Variants in CLCN1 observed in about 807,000 individuals in gnomAD.
CLCN1 encodes the protein chloride voltage-gated channel 1, also known as chloride channel protein 1.
Under a neutral mutation model 114.5 loss-of-function variants are expected in CLCN1, and 100 were observed. The ratio of observed to expected loss-of-function variants is 0.87; its 90% CI spans 0.74 to 1.03. CLCN1 has a LOEUF of 1.03. Ranked by LOEUF, CLCN1 falls within the 50% of genes least tolerant of loss-of-function variation. The probability of loss-of-function intolerance (pLI) is 0.00; values close to 1 mark genes in which losing one functional copy is unlikely to be tolerated. For synonymous variants in CLCN1, 485 were observed against 487.1 expected (o/e 1.00, Z 0.06); for missense variants, 1,188 against 1,250.0 (o/e 0.95, Z 0.75).
chr7:143,323,216 A>G (rs182985740), intron 5 of CLCN1, 93 bp from the exon 6 acceptor site: 9 of 785,938 alleles, frequency 1.1e-5, no homozygotes, highest in East Asian at 9.7e-5. Flanking sequence ...CCCCTGGCAC[A>G]GTGCCTGGAG....
Position 143,339,212 on chromosome 7 carries a change from G to T in CLCN1, c.1402-41G>T, listed in dbSNP as rs746061954. ...GGAATTGTGTGTGCATGTCTATTGG[G>T]CAGAGTTGAAAGGGTATTCCAACGC... On this transcript the variant is annotated intron_variant, in intron 12 of 22. Coordinates refer to ENST00000343257, the MANE Select transcript of CLCN1 (RefSeq NM_000083.3). The surrounding 1 kb of genome is among the most constrained non-coding windows in gnomAD (Gnocchi z 4.1). The T allele has an allele frequency of 7.7e-7, 1 of 1,290,886 alleles. No homozygotes were observed. The highest frequency in any genetic ancestry group is 1.2e-5 in the South Asian group (1 of 84,544). The allele number at this position is 1,290,886 out of a possible 1,614,324, so 80.0% of individuals were successfully genotyped here.
chr7:143,333,675 G>A (rs1802793194), intron 12 of CLCN1, among the ~76,000 whole-genome samples: 1 of 151,966 alleles, frequency 6.6e-6, no homozygotes, highest in African/African-American at 2.4e-5. Context: ...TAAATTAATT[G>A]TATTAGTGAC....
At chr7:143,348,320 C>T (rs1803310438) in intron 20 of CLCN1, among the ~76,000 whole-genome samples, 1 of 152,058 alleles carries the variant, frequency 6.6e-6, no homozygotes, top group Admixed American at 6.6e-5. Context: ...TTAAGGAGTA[C>T]TTTGTTAGGT....
chr7:143,348,226 AAAAGTC>A (rs1348385669), intron 20 of CLCN1, among the ~76,000 whole-genome samples: 1 of 152,208 alleles, frequency 6.6e-6, no homozygotes, highest in Non-Finnish European at 1.5e-5. Flanking sequence ...TGACTTGTGA[AAAAGTC>A]AAATCGATGA....
intron 18 of CLCN1, 50 bp from the exon 19 acceptor site, chr7:143,346,529 C>T (rs773649137): frequency 2.1e-6 from 3 of 1,442,272 alleles, no homozygotes; most frequent in Non-Finnish European, 2.9e-6. Context: ...GGCCCCTGGC[C>T]GTTTCCTGTT....
chr7:143,336,193 C>T (rs1224710218), intron 12 of CLCN1, among the ~76,000 whole-genome samples: 1 of 152,000 alleles, frequency 6.6e-6, no homozygotes, highest in Non-Finnish European at 1.5e-5. Context: ...ACTTCATTCT[C>T]CCGAAGTGAA....
Position 143,321,679 on chromosome 7 carries a change from A to G in CLCN1, c.563-36A>G, listed in dbSNP as rs1802438959. ...GACATTCATCTCCCTTTTCACCTTCACCTTGACCCTGCACATAATCTTTCA... is the reference window on the plus strand; with the variant it reads ...GACATTCATCTCCCTTTTCACCTTCGCCTTGACCCTGCACATAATCTTTCA... On this transcript the variant is annotated intron_variant, in intron 4 of 22. Transcript: ENST00000343257. The surrounding 1 kb of genome is among the most constrained non-coding windows in gnomAD (Gnocchi z 4.2). 1.2e-6 allele frequency: 2 copies of G among 1,613,572 alleles called. No homozygotes were observed. The highest frequency in any genetic ancestry group is 2.2e-5 in the South Asian group (2 of 91,058).
At chr7:143,336,636 A>AAG (rs1491138539) in intron 12 of CLCN1, among the ~76,000 whole-genome samples, 33 of 112,566 alleles carry the variant, frequency 2.9e-4, no homozygotes, top group Admixed American at 8.3e-4. Context: ...GAAGAAGAAG[A>AAG]AAAAAAAAGG....
intron 16 of CLCN1, 111 bp from the exon 17 acceptor site, chr7:143,345,410 T>TG: frequency 7.5e-7 from 1 of 1,329,920 alleles, no homozygotes; most frequent in Non-Finnish European, 1.0e-6. Context: ...GAGAAAGATG[T>TG]GGGGACGCCG....
intron 18 of CLCN1, 151 bp downstream of exon 18, chr7:143,346,402 A>AT: frequency 1.3e-6 from 1 of 751,794 alleles, no homozygotes; most frequent in South Asian, 1.5e-5. Context: ...TTATTCATCA[A>AT]TTCTCCTTGT....
intron 2 of CLCN1, 89 bp from the exon 3 acceptor site, chr7:143,320,575 C>G: frequency 1.5e-5 from 16 of 1,047,164 alleles, no homozygotes; most frequent in African/African-American, 1.7e-5. Context: ...CTCTCTCTCT[C>G]TCTCTCTCTC....
intron 12 of CLCN1, among the ~76,000 whole-genome samples, chr7:143,336,528 T>G (rs890780659): frequency 1.4e-5 from 2 of 146,828 alleles, no homozygotes; most frequent in African/African-American, 5.0e-5. Context: ...GAGAATTGCT[T>G]GAACGCGGGA....
intron 6 of CLCN1, chr7:143,323,779 A>AC (rs1410560045): frequency 2.1e-6 from 1 of 472,878 alleles, no homozygotes; most frequent in Non-Finnish European, 4.3e-6. Context: ...CGCCTGCCCC[A>AC]CCCCTCCACC....
chr7:143,342,095 G>A lies in CLCN1; in HGVS notation c.1749G>A (p.Gln583=). The A allele has an allele frequency of 6.2e-7, 1 of 1,614,194 alleles. No individual in the cohort carries two copies. The highest frequency in any genetic ancestry group is 8.5e-7 in the Non-Finnish European group (1 of 1,180,034). Residue 583 remains glutamine, a synonymous_variant, in exon 15 of 23, where the codon CAG becomes CAA. Coordinates refer to ENST00000343257, the MANE Select transcript of CLCN1 (RefSeq NM_000083.3). ...CCTCTCTCTATGACAGCATCATCCAGGTCAAGAAGCTACCCTACTTGCCTG... is the reference window on the plus strand; with the variant it reads ...CCTCTCTCTATGACAGCATCATCCAAGTCAAGAAGCTACCCTACTTGCCTG... The part of the protein sequence containing the change: ...LQPSLYDSII[Q]VKKLPYLPDL...
In CLCN1 at chr7:143,339,653, A is replaced by T; in HGVS notation, c.1582+32A>T. ...AACATTCCCACTTCCCTGTAATCAA[A>T]CATTGAGTACTTCAGATCCCCACAC... On this transcript the variant is annotated intron_variant, in intron 14 of 22. Transcript: ENST00000343257. The surrounding 1 kb of genome is among the most constrained non-coding windows in gnomAD (Gnocchi z 4.1). 6 of 1,260,436 alleles carry T rather than the reference A, an allele frequency of 4.8e-6. No individual in the cohort carries two copies. Among genetic ancestry groups the T allele is most frequent in the Non-Finnish European group, 5.8e-6 (5 of 857,206 alleles). 78.1% of individuals were successfully genotyped at this position (1,260,436 alleles called of 1,614,324 possible).
chr7:143,332,845 TC>T lies in CLCN1; in HGVS notation c.1374del (p.Ile459SerfsTer8). 6.2e-7 allele frequency: 1 copy of T among 1,614,138 alleles called. No individual in the cohort carries two copies. Among genetic ancestry groups the T allele is most frequent in the Non-Finnish European group, 8.5e-7 (1 of 1,180,022 alleles). ...VWIHPRVNVV[I>X]IIFLFFVMKF... ...ATTCACCCCCGGGTCAACGTTGTCA[TC>T]ATCATCTTTCTCTTCTTCGTCATGA... On this transcript the variant is annotated frameshift_variant, in exon 12 of 23. Coordinates refer to ENST00000343257, the MANE Select transcript of CLCN1 (RefSeq NM_000083.3). LOFTEE classifies it high-confidence loss of function.
chr7:143,321,845 A>G lies in CLCN1; in HGVS notation c.693A>G (p.Lys231=). The part of the protein sequence containing the change: ...AGLGSGIPVG[K]EGPFVHIASI... ...TGGGCAGTGGCATCCCCGTGGGGAA[A>G]GAGGTAGGCCTGGCATGACTGAAGC... The change falls in exon 5 of 23, where the codon AAA becomes AAG. Residue 231 remains lysine (K), a synonymous_variant. Transcript: ENST00000343257. This position sits in a 1 kb window ranked among gnomAD's most constrained non-coding sequence, Gnocchi z 4.2. 6.2e-7 allele frequency: 1 copy of G among 1,614,128 alleles called. No individual in the cohort carries two copies. The highest frequency in any genetic ancestry group is 8.5e-7 in the Non-Finnish European group (1 of 1,179,994).
At chr7:143,334,597 C>T (rs907097953) in intron 12 of CLCN1, among the ~76,000 whole-genome samples, 1 of 151,976 alleles carries the variant, frequency 6.6e-6, no homozygotes, top group Non-Finnish European at 1.5e-5. Flanking sequence ...TATTTTAAAA[C>T]GTTCTATTTT....
intron 5 of CLCN1, among the ~76,000 whole-genome samples, chr7:143,322,648 G>A (rs1489084801): frequency 1.3e-5 from 2 of 152,148 alleles, no homozygotes; most frequent in South Asian, 2.1e-4. Flanking sequence ...TCAGCTTCCC[G>A]AGTAGCTGGG....
Sources: gnomAD v4.1 joint callset for allele counts (sites outside exome capture counted in the v4.1 genomes callset) on GRCh38, gnomAD v4.1.1 for gene constraint, Gnocchi (gnomAD v3.1) non-coding constraint, MANE v1.5 for transcripts, NCBI Gene and HGNC (gene_info 2026-07-23, HGNC 2026-07-21) for gene names.